Variants in ANO2 observed in about 807,000 individuals in gnomAD.
The protein encoded by ANO2 is anoctamin 2.
A neutral mutation model predicts 124.2 loss-of-function variants in ANO2; 101 were observed. The observed-to-expected ratio is 0.81, with a 90% CI of 0.69 to 0.96. ANO2 has a LOEUF of 0.96. Among genes scored for constraint, ANO2 ranks in the 40% least tolerant of loss-of-function variants. The probability of loss-of-function intolerance (pLI) is 0.00; values close to 1 mark genes in which losing one functional copy is unlikely to be tolerated. For missense variants in ANO2, 1,293 were observed against 1,274.5 expected (o/e 1.01, Z -0.22); for synonymous variants, 486 against 482.5 (o/e 1.01, Z -0.09).
chr12:5,910,883 C>T (rs2136291779), intron 3 of ANO2, among the ~76,000 whole-genome samples: 1 of 152,304 alleles, frequency 6.6e-6, no homozygotes, highest in East Asian at 1.9e-4. Context: ...ACGTACACCA[C>T]CCACTTCAGC....
chr12:5,864,850 G>A (rs1007332024), intron 3 of ANO2, among the ~76,000 whole-genome samples: 1 of 152,166 alleles, frequency 6.6e-6, no homozygotes, highest in African/African-American at 2.4e-5. Context: ...AAACCTTTGA[G>A]CAAGAATGCC....
chr12:5,589,451 C>T (rs796974577), intron 20 of ANO2, among the ~76,000 whole-genome samples: 74 of 152,204 alleles, frequency 4.9e-4, no homozygotes, highest in African/African-American at 1.6e-3. Flanking sequence ...GAATTGACCA[C>T]GGCTCAGCAT....
At chr12:5,705,293 A>T (rs1374972436) in intron 14 of ANO2, among the ~76,000 whole-genome samples, 1 of 152,006 alleles carries the variant, frequency 6.6e-6, no homozygotes, top group African/African-American at 2.4e-5. Context: ...GAGAAAAAAG[A>T]AGAAAAAATT....
intron 14 of ANO2, among the ~76,000 whole-genome samples, chr12:5,659,732 C>A (rs1343163200): frequency 1.3e-5 from 2 of 152,224 alleles, no homozygotes; most frequent in African/African-American, 2.4e-5. Flanking sequence ...TTTCTGGCTC[C>A]CCAGAGAGCT....
At chr12:5,694,733 GTTTT>G (rs779951295) in intron 14 of ANO2, among the ~76,000 whole-genome samples, 10 of 152,180 alleles carry the variant, frequency 6.6e-5, no homozygotes, top group Non-Finnish European at 1.5e-4. Context: ...GGTTTTCTTT[GTTTT>G]GTTTGTTTGT....
At chr12:5,737,902 T>G (rs879815466) in intron 13 of ANO2, among the ~76,000 whole-genome samples, 1 of 152,196 alleles carries the variant, frequency 6.6e-6, no homozygotes, top group Non-Finnish European at 1.5e-5. Context: ...AGAATGCATA[T>G]GTATATTCTC....
chr12:5,943,218 T>C (rs1402097283), intron 1 of ANO2, among the ~76,000 whole-genome samples: 3 of 152,042 alleles, frequency 2.0e-5, no homozygotes, highest in Non-Finnish European at 4.4e-5. Context: ...CCAACTTAAA[T>C]GCCCATTAAC....
chr12:5,693,666 C>T (rs1949039035), intron 14 of ANO2, among the ~76,000 whole-genome samples: 1 of 152,180 alleles, frequency 6.6e-6, no homozygotes, highest in Non-Finnish European at 1.5e-5. Context: ...AATACCCTGG[C>T]CCAGACCCTC....
At chr12:5,564,278 C>T (rs1445709025) in intron 24 of ANO2, among the ~76,000 whole-genome samples, 3 of 152,234 alleles carry the variant, frequency 2.0e-5, no homozygotes, top group African/African-American at 7.2e-5. Flanking sequence ...AAGCCACATC[C>T]CTTTGCTGGT....
chr12:5,892,031 A>G (rs2136273168), intron 3 of ANO2, among the ~76,000 whole-genome samples: 1 of 152,336 alleles, frequency 6.6e-6, no homozygotes, highest in South Asian at 2.1e-4. Context: ...AAGAAAGAGC[A>G]AACACTCTTG....
intron 3 of ANO2, among the ~76,000 whole-genome samples, chr12:5,920,281 G>C (rs1941624740): frequency 6.6e-6 from 1 of 152,104 alleles, no homozygotes; most frequent in African/African-American, 2.4e-5. Context: ...TCCCTCAGGG[G>C]ACCCCAGACA....
At chr12:5,682,963 G>A (rs1365074094) in intron 14 of ANO2, among the ~76,000 whole-genome samples, 2 of 152,172 alleles carry the variant, frequency 1.3e-5, no homozygotes. Flanking sequence ...ACAGAGGAGT[G>A]GTGGTGACCA....
chr12:5,708,543 A>G (rs1949700894), intron 14 of ANO2, among the ~76,000 whole-genome samples: 1 of 152,208 alleles, frequency 6.6e-6, no homozygotes, highest in African/African-American at 2.4e-5. Context: ...AGAGTGACAC[A>G]GCAAAGTGGT....
intron 1 of ANO2, among the ~76,000 whole-genome samples, chr12:5,923,261 C>CACACACACACACACAT (rs1206550538): frequency 1.7e-4 from 12 of 69,748 alleles, no homozygotes; most frequent in African/African-American, 1.4e-3. Context: ...CACACATACA[C>CACACACACACACACAT]ACACACACAC....
At position 5,610,819 on chromosome 12, in the gene ANO2, TACACACACAC is replaced by T. The variant is rs766401385; in HGVS notation, c.2087+1827_2087+1836del. ...TGGCCCAGCCCATCAGAGTTGTCCA[TACACACACAC>T]ACACACACACACACACACACACACA... is the stretch of plus-strand genomic sequence containing the variant. On this transcript the variant is annotated intron_variant, in intron 19 of 24. Coordinates refer to ENST00000682330, the MANE Select transcript of ANO2 (RefSeq NM_001364791.2). Among the ~76,000 whole-genome samples, 57 of 110,842 alleles carry T rather than the reference TACACACACAC, an allele frequency of 5.1e-4. 2 individuals are homozygous for T. The highest frequency in any genetic ancestry group is 1.4e-3 in the South Asian group (5 of 3,498). 72.7% of individuals were successfully genotyped at this position (110,842 alleles called of 152,430 possible).
At chr12:5,687,378 T>C (rs538834211) in intron 14 of ANO2, among the ~76,000 whole-genome samples, 93 of 152,192 alleles carry the variant, frequency 6.1e-4, no homozygotes, top group Non-Finnish European at 1.1e-3. Flanking sequence ...CAAAACGAAG[T>C]GAAAGTGAGT....
chr12:5,801,182 TA>T (rs1953027008), intron 9 of ANO2, among the ~76,000 whole-genome samples: 1 of 151,894 alleles, frequency 6.6e-6, no homozygotes, highest in African/African-American at 2.4e-5. Context: ...AGGAGAGGGG[TA>T]GGGGCAAAAC....
chr12:5,791,609 T>A (rs531279791), intron 10 of ANO2, among the ~76,000 whole-genome samples: 1 of 152,218 alleles, frequency 6.6e-6, no homozygotes, highest in African/African-American at 2.4e-5. Flanking sequence ...GTGAAAAAAA[T>A]AAAAGTTTCT....
chr12:5,653,167 C>T (rs1476760681), intron 14 of ANO2, among the ~76,000 whole-genome samples: 1 of 152,176 alleles, frequency 6.6e-6, no homozygotes, highest in African/African-American at 2.4e-5. Context: ...GGCTGTGGTC[C>T]TCATTCTTTG....
Sources: gnomAD v4.1 joint callset for allele counts (sites outside exome capture counted in the v4.1 genomes callset) on GRCh38, gnomAD v4.1.1 for gene constraint, MANE v1.5 for transcripts, NCBI Gene and HGNC (gene_info 2026-07-23, HGNC 2026-07-21) for gene names.